The following NASP variants were observed in gnomAD, a reference collection of about 807,000 sequenced individuals.
NASP encodes the protein nuclear autoantigenic sperm protein, also known as NASP histone chaperone.
In NASP, 24 loss-of-function variants were observed where a neutral mutation model predicts 89.5. The observed-to-expected ratio is 0.27, with a 90% CI of 0.19 to 0.38. The LOEUF is 0.38. Among genes scored for constraint, NASP ranks in the 10% least tolerant of loss-of-function variants. NASP has a pLI of 1.00. For missense variants in NASP, 848 were observed against 921.4 expected (o/e 0.92, Z 1.03); for synonymous variants, 306 against 324.7 (o/e 0.94, Z 0.62).
At chr1:45,587,571 A>C (rs1475227827) in intron 1 of NASP, among the ~76,000 whole-genome samples, 2 of 149,942 alleles carry the variant, frequency 1.3e-5, no homozygotes, top group South Asian at 2.1e-4. Flanking sequence ...GTAGTGAAGA[A>C]GACTAGTACC....
intron 6 of NASP, 127 bp from the exon 7 acceptor site, chr1:45,613,042 T>G: frequency 7.6e-7 from 1 of 1,322,858 alleles, no homozygotes; most frequent in South Asian, 1.6e-5. Flanking sequence ...AGTTCAGGTG[T>G]TAACTCACTT....
intron 4 of NASP, 136 bp downstream of exon 4, chr1:45,605,152 A>G: frequency 1.4e-6 from 1 of 694,456 alleles, no homozygotes; most frequent in East Asian, 2.5e-5. Context: ...GGAAGTTGTG[A>G]ATGGCACTTG....
intron 5 of NASP, 66 bp from the exon 6 acceptor site, chr1:45,607,255 T>A: frequency 6.6e-7 from 1 of 1,511,890 alleles, no homozygotes; most frequent in South Asian, 1.2e-5. Flanking sequence ...TATTTTTAGT[T>A]TCCATTTATG....
chr1:45,618,005 A>G (rs1644136421), intron 14 of NASP, 56 bp from the exon 15 acceptor site: 19 of 1,499,074 alleles, frequency 1.3e-5, no homozygotes, highest in Non-Finnish European at 1.7e-5. Flanking sequence ...TCAGTTATAT[A>G]AGACAGAATG....
intron 9 of NASP, among the ~76,000 whole-genome samples, 183 bp downstream of exon 9, chr1:45,614,549 T>G (rs1569611518): frequency 1.7e-4 from 2 of 11,814 alleles, no homozygotes; most frequent in African/African-American, 4.3e-4. Context: ...TTTTGTTTTG[T>G]TTTTTTTGAG....
At chr1:45,614,815 G>T (rs1644074839) in intron 9 of NASP, 198 bp from the exon 10 acceptor site, 1 of 541,860 alleles carries the variant, frequency 1.8e-6, no homozygotes, top group Non-Finnish European at 3.3e-6. Context: ...GGGATTACAG[G>T]TGTGAGCCAC....
chr1:45,608,465 A>G (rs1643947899), intron 6 of NASP, 128 bp downstream of exon 6: 1 of 927,924 alleles, frequency 1.1e-6, no homozygotes, highest in Admixed American at 2.5e-5. Flanking sequence ...GGGCTAAATG[A>G]AAAGGGGGGT....
At chr1:45,602,436 T>C in intron 3 of NASP, 71 bp downstream of exon 3, 2 of 1,432,714 alleles carry the variant, frequency 1.4e-6, no homozygotes, top group Non-Finnish European at 1.9e-6. Flanking sequence ...AAAATTATTT[T>C]ATGGGGAAAA....
chr1:45,598,139 A>T (rs902767043), intron 2 of NASP, among the ~76,000 whole-genome samples: 1 of 149,754 alleles, frequency 6.7e-6, no homozygotes, highest in Admixed American at 6.6e-5. Context: ...TAATCTTGTC[A>T]GTAACATTTG....
At chr1:45,590,904 T>C (rs1293349788) in intron 1 of NASP, among the ~76,000 whole-genome samples, 1 of 152,190 alleles carries the variant, frequency 6.6e-6, no homozygotes, top group Non-Finnish European at 1.5e-5. Context: ...AGTTTGTAGA[T>C]AAGGATCCAA....
intron 10 of NASP, 43 bp from the exon 11 acceptor site, chr1:45,615,262 C>G (rs1227680378): frequency 6.2e-7 from 1 of 1,611,574 alleles, no homozygotes; most frequent in East Asian, 2.2e-5. Flanking sequence ...AGGAAGAAAA[C>G]AGTTCTTTTT....
At chr1:45,606,796 CAAGT>C (rs2148357775) in intron 5 of NASP, 1 of 434,142 alleles carries the variant, frequency 2.3e-6, no homozygotes, top group Non-Finnish European at 4.1e-6. Flanking sequence ...CTTATTTTCT[CAAGT>C]AAATCCAGTT....
At chr1:45,593,721 T>C (rs982929744) in intron 2 of NASP, among the ~76,000 whole-genome samples, 10 of 151,678 alleles carry the variant, frequency 6.6e-5, no homozygotes, top group Non-Finnish European at 8.8e-5. Context: ...GAAATACTGC[T>C]TGGCTGGGTG....
rs765193015 is a variant in NASP, at chr1:45,608,212, C to T, written c.1301C>T (p.Ala434Val). 2 of 1,614,174 alleles carry T rather than the reference C, an allele frequency of 1.2e-6. No individual in the cohort carries two copies. Among genetic ancestry groups the T allele is most frequent in the South Asian group, 1.1e-5 (1 of 91,084 alleles). The change falls in exon 6 of 15, where the codon GCA becomes GTA. Residue 434 changes from alanine to valine, a missense_variant. Physicochemically the swap from Ala to Val is moderately conservative, Grantham distance 64. Transcript: ENST00000350030. ...ETKLSVEESEAAGDGVDTKVA... is the reference protein window; with the variant it reads ...ETKLSVEESEVAGDGVDTKVA... ...AAGCTGTCTGTAGAAGAGTCTGAGG[C>T]AGCTGGAGATGGGGTTGATACCAAG...
chr1:45,614,445 A>C, intron 9 of NASP, 79 bp downstream of exon 9: 1 of 1,148,102 alleles, frequency 8.7e-7, no homozygotes, highest in Non-Finnish European at 1.3e-6. Flanking sequence ...CTGGAACCGA[A>C]CTTGATCTTT....
At chr1:45,593,801 A>G (rs1463700739) in intron 2 of NASP, among the ~76,000 whole-genome samples, 2 of 150,862 alleles carry the variant, frequency 1.3e-5, no homozygotes, top group East Asian at 2.0e-4. Flanking sequence ...AGAGGATCAC[A>G]TGACCCCAGG....
At chr1:45,616,126 T>C (rs187674778) in intron 11 of NASP, among the ~76,000 whole-genome samples, 1 of 152,308 alleles carries the variant, frequency 6.6e-6, no homozygotes, top group Admixed American at 6.5e-5. Flanking sequence ...ATAGAAGATT[T>C]AGTTTATTAT....
intron 1 of NASP, among the ~76,000 whole-genome samples, chr1:45,585,262 T>G (rs1644516291): frequency 6.6e-6 from 1 of 152,222 alleles, no homozygotes; most frequent in African/African-American, 2.4e-5. Context: ...TGGTTCTATT[T>G]TTTTTTCTAA....
intron 2 of NASP, among the ~76,000 whole-genome samples, chr1:45,595,479 A>G (rs1186321760): frequency 2.0e-5 from 3 of 152,148 alleles, no homozygotes; most frequent in African/African-American, 7.2e-5. Context: ...CTGTGCCCAT[A>G]TAGTCTCTCC....
Sources: gnomAD v4.1 joint callset for allele counts (sites outside exome capture counted in the v4.1 genomes callset) on GRCh38, gnomAD v4.1.1 for gene constraint, MANE v1.5 for transcripts, NCBI Gene and HGNC (gene_info 2026-07-23, HGNC 2026-07-21) for gene names.